Variants in FFAR1 observed in about 807,000 individuals in gnomAD.
FFAR1 encodes the protein free fatty acid receptor 1.
For synonymous variants in FFAR1, 216 were observed against 201.5 expected, an observed-to-expected ratio of 1.07 and a Z score of -0.61; for missense variants, 424 against 396.2, an observed-to-expected ratio of 1.07 and a Z score of -0.60.
upstream of FFAR1, among the ~76,000 whole-genome samples, chr19:35,349,529 T>G (rs8108571): frequency 0.091 from 13,929 of 152,298 alleles, 795 homozygotes; most frequent in South Asian, 0.23. Flanking sequence ...CCCCAGGTGC[T>G]GCTCTCGAGA....
At chr19:35,348,128 C>T (rs1385221739), upstream of FFAR1, among the ~76,000 whole-genome samples, 3 of 152,202 alleles carry the variant, frequency 2.0e-5, no homozygotes, top group African/African-American at 7.2e-5. Flanking sequence ...GGCAGGTGTC[C>T]CCAAACTGCC....
At chr19:35,351,366 T>C (rs1436103411), upstream of FFAR1, among the ~76,000 whole-genome samples, 2 of 152,120 alleles carry the variant, frequency 1.3e-5, no homozygotes. Context: ...GCTCCGCTGC[T>C]CCCTGACTGC....
At chr19:35,350,654 C>T (rs539698421), upstream of FFAR1, among the ~76,000 whole-genome samples, 2 of 152,304 alleles carry the variant, frequency 1.3e-5, no homozygotes, top group East Asian at 3.9e-4. Flanking sequence ...CCCTCACCTC[C>T]TCTGGCGTGG....
chr19:35,348,784 C>A (rs1001789199), upstream of FFAR1, among the ~76,000 whole-genome samples: 4 of 152,170 alleles, frequency 2.6e-5, no homozygotes, highest in Admixed American at 2.0e-4. Context: ...GTAGGACCAA[C>A]CTTGGGGATC....
chr19:35,351,514 T>C (rs758935200), upstream of FFAR1: 10 of 1,532,860 alleles, frequency 6.5e-6, no homozygotes, highest in Middle Eastern at 2.2e-4. Flanking sequence ...GGGAGCCAGG[T>C]TGCACACAGG....
exon 1 of FFAR1, chr19:35,351,860 C>G (rs1293441405): frequency 6.2e-7 from 1 of 1,613,144 alleles, no homozygotes; most frequent in African/African-American, 1.3e-5. Flanking sequence ...TGAGTGCAGG[C>G]CGCTACCTGG....
At chr19:35,352,655 AG>A in exon 1 of FFAR1, 1 of 615,408 alleles carries the variant, frequency 1.6e-6, no homozygotes, top group Non-Finnish European at 2.8e-6. Context: ...TGGCAGGGGG[AG>A]GTAAGTTTGC....
exon 1 of FFAR1, chr19:35,352,858 G>C (rs1222759312): frequency 8.0e-6 from 2 of 250,884 alleles, no homozygotes; most frequent in Non-Finnish European, 1.6e-5. Context: ...TCTGAAATCA[G>C]TTCCCAGGAG....
upstream of FFAR1, among the ~76,000 whole-genome samples, chr19:35,348,207 T>C (rs1403275165): frequency 6.6e-6 from 1 of 152,238 alleles, no homozygotes; most frequent in Non-Finnish European, 1.5e-5. Flanking sequence ...CTAGGAATTA[T>C]GGTTCAGGGA....
chr19:35,349,845 C>T (rs2066936842), upstream of FFAR1, among the ~76,000 whole-genome samples: 1 of 152,178 alleles, frequency 6.6e-6, no homozygotes, highest in African/African-American at 2.4e-5. Context: ...CATTGAGAGA[C>T]AGAGACAGAA....
rs558342219 is a variant in FFAR1, at chr19:35,351,897, G to A, written c.346G>A (p.Ala116Thr). ...AGCAGCCTTCCCCTTGGGCTACCAA[G>A]CCTTCCGGAGGCCGTGCTATTCCTG... Residue 116 changes from alanine to threonine, a missense_variant, in exon 1 of 1, where the codon GCC becomes ACC. Physicochemically the swap from Ala to Thr is moderately conservative, Grantham distance 58 (BLOSUM62 0). Coordinates refer to ENST00000246553, the Ensembl canonical transcript of FFAR1. 27 of 1,614,006 alleles carry A rather than the reference G, an allele frequency of 1.7e-5. 1 individual carries two copies. The highest frequency in any genetic ancestry group is 3.3e-4 in the Middle Eastern group (2 of 6,062).
chr19:35,351,646 C>T, exon 1 of FFAR1: 6 of 1,548,104 alleles, frequency 3.9e-6, no homozygotes, highest in Non-Finnish European at 5.2e-6. Context: ...GGCGCGACGG[C>T]CCACGCCCGG....
chr19:35,351,605 G>A, exon 1 of FFAR1: 3 of 1,541,650 alleles, frequency 1.9e-6, no homozygotes, highest in Non-Finnish European at 2.6e-6. Context: ...CCTTTGCGCT[G>A]GGCTTCCCGC....
In FFAR1 at chr19:35,352,136, G is replaced by A. The variant is rs567142594; in HGVS notation, c.585G>A (p.Leu195=). ...CTCTCCTGCTCTTTTTTCTGCCCTT[G>A]GCCATCACAGCCTTCTGCTACGTGG... Residue 195 remains leucine (L), a synonymous_variant, in exon 1 of 1, where the codon TTG becomes TTA. Coordinates refer to ENST00000246553, the Ensembl canonical transcript of FFAR1. 3 of 1,611,128 alleles carry A rather than the reference G, an allele frequency of 1.9e-6. No homozygotes were observed. The South Asian group carries it at 3.3e-5, about 18-fold the overall frequency.
At chr19:35,352,673 A>T (rs2066951040) in exon 1 of FFAR1, 3 of 595,154 alleles carry the variant, frequency 5.0e-6, no homozygotes, top group Admixed American at 5.9e-5. Flanking sequence ...TTGCCCCTGC[A>T]CGTGTCGAGG....
At chr19:35,351,942 T>G in exon 1 of FFAR1, 1 of 1,614,130 alleles carries the variant, frequency 6.2e-7, no homozygotes, top group African/African-American at 1.3e-5. Context: ...CGCGGCCATC[T>G]GGGCCCTCGT....
rs1237172120 is a variant in FFAR1 at position 35,352,501 on chromosome 19, T to C, written c.*47T>C. The C allele has an allele frequency of 2.6e-6, 4 of 1,528,912 alleles. No individual in the cohort carries two copies. In the African/African-American group the frequency reaches 5.5e-5, roughly 21 times the overall value. The allele number at this position is 1,528,912 out of a possible 1,614,324, so 94.7% of individuals were successfully genotyped here. ...GCATGGGGCAGGAGGGCCCGGCTGC[T>C]TCTCCAGGCCCCTGCGGGGGGCTGC... On this transcript the variant is annotated 3_prime_UTR_variant, in exon 1 of 1. Transcript: ENST00000246553.
exon 1 of FFAR1, chr19:35,351,563 C>A (rs770590725): frequency 1.9e-6 from 3 of 1,540,540 alleles, no homozygotes; most frequent in Non-Finnish European, 2.6e-6. Context: ...TGGACCTGCC[C>A]CCGCAGCTCT....
chr19:35,352,213 G>C, exon 1 of FFAR1: 1 of 1,584,774 alleles, frequency 6.3e-7, no homozygotes, highest in African/African-American at 1.3e-5. Context: ...CGGAAGCTGC[G>C]GGCCGCCTGG....
Sources: gnomAD v4.1 joint callset for allele counts (sites outside exome capture counted in the v4.1 genomes callset) on GRCh38, gnomAD v4.1.1 for gene constraint, MANE v1.5 for transcripts, NCBI Gene and HGNC (gene_info 2026-07-23, HGNC 2026-07-21) for gene names.